Variants in ZIC4 observed in about 807,000 individuals in gnomAD.
ZIC4 encodes zinc finger protein ZIC 4.
In ZIC4, 15 loss-of-function variants were observed where a neutral mutation model predicts 28.8. The ratio of observed to expected loss-of-function variants is 0.52; its 90% CI spans 0.35 to 0.80. ZIC4 has a LOEUF of 0.80. Among genes scored for constraint, ZIC4 ranks in the 30% least tolerant of loss-of-function variants. ZIC4 has a pLI of 0.01. For synonymous variants in ZIC4, 220 were observed against 198.1 expected (o/e 1.11, Z -0.93); for missense variants, 512 against 467.1 (o/e 1.10, Z -0.89).
intron 1 of ZIC4, among the ~76,000 whole-genome samples, chr3:147,403,113 G>C (rs1031648528): frequency 5.3e-5 from 8 of 151,944 alleles, no homozygotes; most frequent in African/African-American, 1.9e-4. Context: ...CTTTTAGTCA[G>C]TGCTCAAAAA....
chr3:147,390,773 C>T (rs2086895198), intron 4 of ZIC4, among the ~76,000 whole-genome samples, 158 bp downstream of exon 4: 1 of 152,250 alleles, frequency 6.6e-6, no homozygotes, highest in Non-Finnish European at 1.5e-5. Context: ...GCCTCAGAAA[C>T]GTGGCCTACT....
intron 4 of ZIC4, 41 bp downstream of exon 4, chr3:147,390,890 C>G (rs906844732): frequency 1.9e-6 from 3 of 1,559,370 alleles, no homozygotes; most frequent in Non-Finnish European, 2.6e-6. Flanking sequence ...AGGATCGCGG[C>G]GGGGGCAGCC....
At chr3:147,393,940 C>T (rs2086982993) in intron 3 of ZIC4, 1 of 456,624 alleles carries the variant, frequency 2.2e-6, no homozygotes, top group Non-Finnish European at 4.4e-6. Flanking sequence ...GCCCCGGATT[C>T]AGGTCAGGGA....
In ZIC4 at chr3:147,405,303, A is replaced by T. The variant is rs942143753; in HGVS notation, c.-16+1060T>A. Reference sequence around the variant, plus strand: ...ACCTGCAGGCGGCTGAGACAGGAGAAAAAAGAGCAGCATGCAGTGGTGTGG... The same window carrying T: ...ACCTGCAGGCGGCTGAGACAGGAGATAAAAGAGCAGCATGCAGTGGTGTGG... On this transcript the variant is annotated intron_variant, in intron 1 of 4. Transcript: ENST00000383075. The T allele has an allele frequency of 1.2e-5, 17 of 1,410,396 alleles. No homozygotes were observed. The East Asian group carries it at 4.0e-4, about 33-fold the overall frequency. The allele number at this position is 1,410,396 out of a possible 1,614,324, so 87.4% of individuals were successfully genotyped here.
At chr3:147,391,907 C>G in intron 3 of ZIC4, 23 of 906,716 alleles carry the variant, frequency 2.5e-5, no homozygotes, top group Non-Finnish European at 2.9e-5. Flanking sequence ...AGGAATGGAG[C>G]CCCCTCCCTC....
At chr3:147,405,482 T>C in intron 1 of ZIC4, 1 of 1,537,130 alleles carries the variant, frequency 6.5e-7, no homozygotes, top group Non-Finnish European at 8.7e-7. Flanking sequence ...CAACCCCAAC[T>C]TTCAGATCCA....
chr3:147,392,804 T>C (rs1323665647), intron 3 of ZIC4: 3 of 152,262 alleles, frequency 2.0e-5, no homozygotes, highest in Non-Finnish European at 4.4e-5. Flanking sequence ...CGGCACCACC[T>C]GGTCGCTGGA....
chr3:147,401,020 G>A (rs900475566), intron 2 of ZIC4, among the ~76,000 whole-genome samples: 3 of 152,080 alleles, frequency 2.0e-5, no homozygotes, highest in African/African-American at 7.2e-5. Context: ...CAGATCTTTA[G>A]CACATGTCAA....
intron 4 of ZIC4, chr3:147,389,362 A>T (rs1196440084): frequency 6.5e-6 from 1 of 153,676 alleles, no homozygotes; most frequent in East Asian, 1.9e-4. Context: ...CATCAGTGGC[A>T]GGGCCAGGAA....
At position 147,396,111 on chromosome 3, in the gene ZIC4, G is replaced by A; in HGVS notation, c.429C>T (p.Leu143=). ...GCATGGTGCTGAAAGTTTTGGAGCA[G>A]AGGCTCGGGGTCGCGGTGCCGTCGG... ...LAADGTATPS[L]CSKTFSTMHE... The change falls in exon 3 of 5, where the codon CTC becomes CTT. Residue 143 remains leucine, a synonymous_variant. Transcript: ENST00000383075. This position sits in a 1 kb window ranked among gnomAD's most constrained non-coding sequence, Gnocchi z 4.2. 6.2e-7 allele frequency: 1 copy of A among 1,614,182 alleles called. No individual in the cohort carries two copies. The highest frequency in any genetic ancestry group is 8.5e-7 in the Non-Finnish European group (1 of 1,180,052).
Position 147,399,908 on chromosome 3 carries a change from T to A in ZIC4, c.70+2820A>T, listed in dbSNP as rs530280113. Among the ~76,000 whole-genome samples the A allele has an allele frequency of 1.2e-4, 18 of 152,216 alleles. No homozygotes were observed. The South Asian group carries it at 3.5e-3, about 30-fold the overall frequency. ...CTTGAACTCTTGACCTCAGGTGACC[T>A]GCCCACTTCGGCCTCCCACAGTGCT... On this transcript the variant is annotated intron_variant, in intron 2 of 4. Transcript: ENST00000383075.
intron 4 of ZIC4, chr3:147,389,105 A>G (rs1576453342): frequency 1.8e-6 from 1 of 568,874 alleles, no homozygotes; most frequent in Admixed American, 3.5e-5. Context: ...TTTGTTGCCG[A>G]CTGCCCGCGC....
intron 1 of ZIC4, among the ~76,000 whole-genome samples, chr3:147,404,693 G>T (rs1272574440): frequency 2.0e-5 from 3 of 152,208 alleles, no homozygotes; most frequent in African/African-American, 7.2e-5. Flanking sequence ...AAGAGGAACG[G>T]GTGCCAGGGA....
intron 3 of ZIC4, chr3:147,393,928 A>G (rs1181934380): frequency 6.6e-6 from 3 of 456,696 alleles, no homozygotes; most frequent in Non-Finnish European, 4.4e-6. Context: ...CTTCAAAGCC[A>G]GGCCCCGGAT....
rs2086934681 is a variant in ZIC4 at position 147,392,045 on chromosome 3, A to G, written c.689-799T>C. The G allele has an allele frequency of 4.1e-6, 4 of 985,358 alleles. No individual in the cohort carries two copies. The South Asian group carries it at 1.9e-4, about 46-fold the overall frequency. The allele number at this position is 985,358 out of a possible 1,614,324, so 61.0% of individuals were successfully genotyped here. ...TTACGCTGCTCCAGAGGCTTCCTGG[A>G]GACCGTGCTGTGGGCAGCTGGCCCT... is the stretch of plus-strand genomic sequence containing the variant. On this transcript the variant is annotated intron_variant, in intron 3 of 4. Transcript: ENST00000383075.
rs372506670 is a variant in ZIC4, at chr3:147,396,198, G to T, written c.342C>A (p.Gly114=). Residue 114 remains glycine (G), a synonymous_variant, in exon 3 of 5, where the codon GGC becomes GGA. Coordinates refer to ENST00000383075, the MANE Select transcript of ZIC4 (RefSeq NM_032153.6). The surrounding 1 kb of genome is among the most constrained non-coding windows in gnomAD (Gnocchi z 4.2). ...GCTGGCGCATGTAGCGGAAGAAAGC[G>T]CCAGGACCGTGGGGCGCAGCGAGGT... The part of the protein sequence containing the change: ...TVNLAAPHGP[G]AFFRYMRQPI... 6.2e-6 allele frequency: 10 copies of T among 1,613,980 alleles called. No homozygotes were observed. In the African/African-American group the frequency reaches 6.7e-5, roughly 11 times the overall value.
At chr3:147,390,845 C>T (rs868093512) in intron 4 of ZIC4, 86 bp downstream of exon 4, 3 of 1,466,258 alleles carry the variant, frequency 2.0e-6, no homozygotes, top group South Asian at 2.8e-5. Flanking sequence ...GAGGCGGCGG[C>T]GGCAGCAGCA....
chr3:147,394,310 G>A (rs180920439), intron 3 of ZIC4, among the ~76,000 whole-genome samples: 2 of 141,690 alleles, frequency 1.4e-5, no homozygotes, highest in Admixed American at 1.5e-4. Context: ...CCGAAAGAAC[G>A]CACAAAATTC....
intron 3 of ZIC4, chr3:147,392,077 C>A: frequency 1.0e-6 from 1 of 985,584 alleles, no homozygotes; most frequent in Non-Finnish European, 1.2e-6. Context: ...CCCTCCCAGT[C>A]CGCACTGACT....
Sources: gnomAD v4.1 joint callset for allele counts (sites outside exome capture counted in the v4.1 genomes callset) on GRCh38, gnomAD v4.1.1 for gene constraint, Gnocchi (gnomAD v3.1) non-coding constraint, MANE v1.5 for transcripts, NCBI Gene and HGNC (gene_info 2026-07-23, HGNC 2026-07-21) for gene names.